The following THRB variants were observed in gnomAD, a reference collection of about 807,000 sequenced individuals.
THRB encodes the protein thyroid hormone receptor beta.
In THRB, 12 loss-of-function variants were observed where a neutral mutation model predicts 47.8. That is an observed-to-expected ratio of 0.25 (90% CI 0.16 to 0.41). The LOEUF is 0.41. Ranked by LOEUF, THRB falls within the 10% of genes least tolerant of loss-of-function variation. The pLI is 1.00. For synonymous variants in THRB, 218 were observed against 212.2 expected, an observed-to-expected ratio of 1.03 and a Z score of -0.24; for missense variants, 348 against 589.2, an observed-to-expected ratio of 0.59 and a Z score of 4.24.
intron 4 of THRB, among the ~76,000 whole-genome samples, chr3:24,222,168 G>T (rs1407605842): frequency 1.3e-5 from 2 of 152,180 alleles, no homozygotes; most frequent in African/African-American, 4.8e-5. Flanking sequence ...GTGAACTGAG[G>T]TGCTGGTCTC....
At chr3:24,372,437 C>T (rs1438478417) in intron 1 of THRB, among the ~76,000 whole-genome samples, 1 of 152,022 alleles carries the variant, frequency 6.6e-6, no homozygotes, top group African/African-American at 2.4e-5. Flanking sequence ...GGAGAGGATG[C>T]CTTACGTGTA....
At chr3:24,493,065 A>G (rs961246699) in intron 1 of THRB, among the ~76,000 whole-genome samples, 1 of 152,214 alleles carries the variant, frequency 6.6e-6, no homozygotes, top group Admixed American at 6.5e-5. Context: ...GTCTTTGTAT[A>G]AAACACTCCA....
intron 4 of THRB, among the ~76,000 whole-genome samples, chr3:24,197,060 G>A (rs1323954998): frequency 6.6e-6 from 1 of 152,254 alleles, no homozygotes; most frequent in East Asian, 1.9e-4. Flanking sequence ...ACTCATAGTG[G>A]CTAGCACAAC....
At chr3:24,262,208 T>C (rs2052131841) in intron 3 of THRB, among the ~76,000 whole-genome samples, 1 of 152,184 alleles carries the variant, frequency 6.6e-6, no homozygotes, top group Admixed American at 6.5e-5. Flanking sequence ...TAAATGATGA[T>C]TCTAAATAAT....
At chr3:24,393,680 C>G (rs2066745456) in intron 1 of THRB, among the ~76,000 whole-genome samples, 1 of 152,114 alleles carries the variant, frequency 6.6e-6, no homozygotes, top group Non-Finnish European at 1.5e-5. Context: ...CACTGAAATG[C>G]TGACGTATCA....
intron 3 of THRB, among the ~76,000 whole-genome samples, chr3:24,280,311 A>C (rs919889425): frequency 1.3e-5 from 2 of 152,054 alleles, no homozygotes; most frequent in Admixed American, 6.6e-5. Context: ...TGGGAGGCAC[A>C]CCCCAGCAGG....
intron 5 of THRB, among the ~76,000 whole-genome samples, chr3:24,176,687 G>A (rs2041200859): frequency 6.6e-6 from 1 of 152,174 alleles, no homozygotes; most frequent in African/African-American, 2.4e-5. Flanking sequence ...AGAGAAAGAT[G>A]CCAGTCATAC....
intron 1 of THRB, among the ~76,000 whole-genome samples, chr3:24,410,231 G>T (rs1166631528): frequency 6.6e-6 from 1 of 151,766 alleles, no homozygotes; most frequent in Non-Finnish European, 1.5e-5. Context: ...GCTTGGGATT[G>T]GATGAGTATG....
chr3:24,360,543 C>T (rs530148720), intron 1 of THRB, among the ~76,000 whole-genome samples: 21 of 152,202 alleles, frequency 1.4e-4, no homozygotes, highest in African/African-American at 4.3e-4. Context: ...TGCTTTTTAC[C>T]GATACATAAT....
chr3:24,350,057 C>T (rs1249985721), intron 1 of THRB, among the ~76,000 whole-genome samples: 1 of 151,902 alleles, frequency 6.6e-6, no homozygotes, highest in African/African-American at 2.4e-5. Context: ...TATAAAATGG[C>T]CAAAAGACTT....
chr3:24,438,286 G>T (rs1049891293), intron 1 of THRB, among the ~76,000 whole-genome samples: 3 of 151,880 alleles, frequency 2.0e-5, no homozygotes, highest in African/African-American at 4.8e-5. Context: ...CCTTATATGG[G>T]TCAGCCAGGT....
At chr3:24,225,926 G>A (rs1050987329) in intron 4 of THRB, among the ~76,000 whole-genome samples, 7 of 152,052 alleles carry the variant, frequency 4.6e-5, no homozygotes, top group Non-Finnish European at 8.8e-5. Flanking sequence ...ATTAGGTGGC[G>A]TAAAGCAGTG....
At chr3:24,486,410 G>A (rs1344727172) in intron 1 of THRB, 5 of 152,120 alleles carry the variant, frequency 3.3e-5, no homozygotes, top group African/African-American at 7.2e-5. Flanking sequence ...CATCGTGTCT[G>A]GCACTTGGCA....
At chr3:24,182,231 A>AC (rs920761738) in intron 5 of THRB, among the ~76,000 whole-genome samples, 13 of 151,730 alleles carry the variant, frequency 8.6e-5, no homozygotes, top group African/African-American at 1.7e-4. Context: ...AAACAAACAA[A>AC]AAAAAGAAAG....
At chr3:24,449,348 CACTGTCATATCA>C (rs1447221567) in intron 1 of THRB, among the ~76,000 whole-genome samples, 3 of 152,068 alleles carry the variant, frequency 2.0e-5, no homozygotes, top group Admixed American at 6.6e-5. Flanking sequence ...TATGTCACAC[CACTGTCATATCA>C]ACTATCCTCA....
chr3:24,180,109 C>T (rs1197826025), intron 5 of THRB, among the ~76,000 whole-genome samples: 2 of 152,004 alleles, frequency 1.3e-5, no homozygotes, highest in African/African-American at 4.8e-5. Context: ...GCTTCTTTTA[C>T]TTACACAGTT....
intron 4 of THRB, among the ~76,000 whole-genome samples, chr3:24,201,301 T>C (rs1357960650): frequency 1.3e-5 from 2 of 152,138 alleles, no homozygotes; most frequent in Non-Finnish European, 2.9e-5. Flanking sequence ...TGATCTCTAC[T>C]GCTTGATCTC....
At chr3:24,127,866 G>T in intron 9 of THRB, 109 bp from the exon 10 acceptor site, 2 of 1,296,968 alleles carry the variant, frequency 1.5e-6, no homozygotes, top group Non-Finnish European at 2.2e-6. Flanking sequence ...ATTAACATTT[G>T]TCCTGCATTC....
intron 2 of THRB, among the ~76,000 whole-genome samples, chr3:24,322,920 G>A (rs1355596198): frequency 6.6e-6 from 1 of 152,074 alleles, no homozygotes. Context: ...AACACGATTT[G>A]GGTGCTAATA....
Sources: allele counts gnomAD v4.1 joint callset (sites outside exome capture counted in the v4.1 genomes callset), GRCh38; gene constraint gnomAD v4.1.1; transcripts MANE v1.5; gene names NCBI Gene and HGNC (gene_info 2026-07-23, HGNC 2026-07-21).